The following NOS1AP variants were observed in gnomAD, a reference collection of about 807,000 sequenced individuals.
The protein encoded by NOS1AP is nitric oxide synthase 1 adaptor protein.
A neutral mutation model predicts 56.2 loss-of-function variants in NOS1AP; 21 were observed. The ratio of observed to expected loss-of-function variants is 0.37; its 90% CI spans 0.26 to 0.54. NOS1AP has a LOEUF of 0.54. NOS1AP is among the 20% of genes least tolerant of loss of function. The probability of loss-of-function intolerance (pLI) is 0.84; values close to 1 mark genes in which losing one functional copy is unlikely to be tolerated. For missense variants in NOS1AP, 522 were observed against 657.8 expected, an observed-to-expected ratio of 0.79 and a Z score of 2.26; for synonymous variants, 270 against 274.6, an observed-to-expected ratio of 0.98 and a Z score of 0.17.
chr1:162,126,520 CTT>C (rs57170830), intron 1 of NOS1AP, among the ~76,000 whole-genome samples: 8 of 144,884 alleles, frequency 5.5e-5, no homozygotes, highest in Middle Eastern at 3.6e-3. Context: ...TTAAGGTATG[CTT>C]TTTTTTTTTT....
chr1:162,189,381 G>T (rs1488250654), intron 2 of NOS1AP, among the ~76,000 whole-genome samples: 1 of 152,114 alleles, frequency 6.6e-6, no homozygotes, highest in Non-Finnish European at 1.5e-5. Context: ...GGTATTTTTT[G>T]TTAGTAGTCT....
intron 2 of NOS1AP, among the ~76,000 whole-genome samples, chr1:162,169,833 T>C (rs955373000): frequency 1.3e-5 from 2 of 152,202 alleles, no homozygotes; most frequent in Non-Finnish European, 2.9e-5. Context: ...TCATTTCCTA[T>C]GATTGCCATG....
chr1:162,352,833 A>G (rs186232170), intron 6 of NOS1AP, among the ~76,000 whole-genome samples: 5 of 152,304 alleles, frequency 3.3e-5, no homozygotes, highest in African/African-American at 7.2e-5. Context: ...ATGAACACCA[A>G]CATTCAGTCC....
At chr1:162,280,639 G>C in intron 2 of NOS1AP, among the ~76,000 whole-genome samples, 1 of 152,154 alleles carries the variant, frequency 6.6e-6, no homozygotes, top group Non-Finnish European at 1.5e-5. Flanking sequence ...AAAGTAGGAT[G>C]ATACTTCATT....
At chr1:162,204,233 C>A (rs912987276) in intron 2 of NOS1AP, among the ~76,000 whole-genome samples, 1 of 152,250 alleles carries the variant, frequency 6.6e-6, no homozygotes, top group Non-Finnish European at 1.5e-5. Flanking sequence ...TGCTGCCCTA[C>A]ATTACAGCTG....
intron 2 of NOS1AP, among the ~76,000 whole-genome samples, chr1:162,160,822 T>C (rs1194679105): frequency 1.3e-5 from 2 of 152,216 alleles, no homozygotes; most frequent in Non-Finnish European, 2.9e-5. Context: ...TGTAACAAAT[T>C]ATTTAATAAT....
chr1:162,070,806 G>T (rs974366027), intron 1 of NOS1AP, among the ~76,000 whole-genome samples: 2 of 151,992 alleles, frequency 1.3e-5, no homozygotes, highest in African/African-American at 4.8e-5. Flanking sequence ...TTCCTAAATG[G>T]CTAATTTGCC....
chr1:162,127,528 A>T (rs753605611), intron 1 of NOS1AP, among the ~76,000 whole-genome samples: 5 of 130,666 alleles, frequency 3.8e-5, no homozygotes, highest in African/African-American at 6.7e-5. Flanking sequence ...GGTACTTTAT[A>T]AAAAAAAAAA....
At chr1:162,275,551 C>G (rs1557859499) in intron 2 of NOS1AP, among the ~76,000 whole-genome samples, 1 of 152,176 alleles carries the variant, frequency 6.6e-6, no homozygotes, top group African/African-American at 2.4e-5. Flanking sequence ...CTGGTCACAT[C>G]TCACTCTCAG....
At chr1:162,116,308 A>AGTG (rs1203267924) in intron 1 of NOS1AP, among the ~76,000 whole-genome samples, 3 of 152,156 alleles carry the variant, frequency 2.0e-5, no homozygotes, top group Non-Finnish European at 4.4e-5. Context: ...CTTTCTGTCC[A>AGTG]GTGCTTCCAG....
intron 2 of NOS1AP, among the ~76,000 whole-genome samples, chr1:162,219,548 C>A (rs1652697836): frequency 6.6e-6 from 1 of 152,108 alleles, no homozygotes; most frequent in African/African-American, 2.4e-5. Context: ...AGTCTTTTTT[C>A]CTTTTAAAGG....
chr1:162,113,172 C>T (rs1295494220), intron 1 of NOS1AP, among the ~76,000 whole-genome samples: 3 of 152,276 alleles, frequency 2.0e-5, no homozygotes, highest in Non-Finnish European at 2.9e-5. Flanking sequence ...GAAGCCTACA[C>T]CTCTTCTCCT....
chr1:162,117,801 A>G (rs930928685), intron 1 of NOS1AP, among the ~76,000 whole-genome samples: 1 of 152,224 alleles, frequency 6.6e-6, no homozygotes, highest in Admixed American at 6.5e-5. Context: ...CGGTACAGGA[A>G]AAGGTGCCTA....
At chr1:162,116,710 A>G (rs770142045) in intron 1 of NOS1AP, among the ~76,000 whole-genome samples, 3 of 152,212 alleles carry the variant, frequency 2.0e-5, no homozygotes, top group Non-Finnish European at 2.9e-5. Flanking sequence ...GGATGGGTAC[A>G]GTTTCTGAAT....
chr1:162,264,340 C>T (rs1377508485), intron 2 of NOS1AP, among the ~76,000 whole-genome samples: 1 of 152,032 alleles, frequency 6.6e-6, no homozygotes, highest in Non-Finnish European at 1.5e-5. Context: ...TCCCTCCAGC[C>T]CAAGGCCTTT....
intron 1 of NOS1AP, among the ~76,000 whole-genome samples, chr1:162,090,361 A>G (rs775858751): frequency 2.8e-4 from 29 of 105,062 alleles, no homozygotes; most frequent in Middle Eastern, 5.2e-3. Context: ...TGCCTAAATT[A>G]TCTTTTGTAA....
intron 2 of NOS1AP, among the ~76,000 whole-genome samples, chr1:162,255,490 ATTTTTTTTTTTTTTTTTTTTTTTTTT>A (rs35637289): frequency 1.6e-5 from 1 of 60,974 alleles, no homozygotes; most frequent in Non-Finnish European, 3.5e-5. Flanking sequence ...GCTGCTGCTG[ATTTTTTTTTTTTTTTTTTTTTTTTTT>A]TTTTTTTTTG....
chr1:162,297,525 G>A (rs966762364), intron 3 of NOS1AP, among the ~76,000 whole-genome samples: 1 of 152,170 alleles, frequency 6.6e-6, no homozygotes, highest in Admixed American at 6.5e-5. Flanking sequence ...GTGTGTGAAA[G>A]AGAGCTTCCG....
intron 1 of NOS1AP, among the ~76,000 whole-genome samples, chr1:162,095,285 G>A (rs1310521898): frequency 1.3e-5 from 2 of 152,152 alleles, no homozygotes; most frequent in African/African-American, 2.4e-5. Context: ...AGTGGGATCA[G>A]TGCCCTTATA....
Sources: allele counts gnomAD v4.1 joint callset (sites outside exome capture counted in the v4.1 genomes callset), GRCh38; gene constraint gnomAD v4.1.1; transcripts MANE v1.5; gene names NCBI Gene and HGNC (gene_info 2026-07-23, HGNC 2026-07-21).